The following PHF20 variants were observed in gnomAD, a reference collection of about 807,000 sequenced individuals.
PHF20 encodes glioma-expressed antigen 2.
In PHF20, 23 loss-of-function variants were observed where a neutral mutation model predicts 113.5. The observed-to-expected ratio is 0.20, with a 90% confidence interval of 0.15 to 0.29. PHF20 has a LOEUF of 0.29. Ranked by LOEUF, PHF20 falls within the 10% of genes least tolerant of loss-of-function variation. PHF20 has a pLI of 1.00. For synonymous variants in PHF20, 434 were observed against 457.3 expected, an observed-to-expected ratio of 0.95 and a Z score of 0.65; for missense variants, 943 against 1,219.6, an observed-to-expected ratio of 0.77 and a Z score of 3.38.
chr20:35,906,117 T>C (rs548603853), intron 10 of PHF20, among the ~76,000 whole-genome samples: 226 of 152,226 alleles, frequency 1.5e-3, no homozygotes, highest in Non-Finnish European at 2.8e-3. Context: ...TATTGCTACA[T>C]CTGTTTGAGT....
chr20:35,897,699 TG>T (rs1355434934), intron 9 of PHF20, among the ~76,000 whole-genome samples: 3 of 151,302 alleles, frequency 2.0e-5, no homozygotes, highest in African/African-American at 2.4e-5. Flanking sequence ...TCTGGGTAGC[TG>T]GGACTACAGG....
intron 13 of PHF20, among the ~76,000 whole-genome samples, chr20:35,926,718 G>A (rs956033692): frequency 2.0e-5 from 3 of 152,060 alleles, no homozygotes; most frequent in Non-Finnish European, 4.4e-5. Context: ...ACTTCCTAGA[G>A]GCCTTATATC....
chr20:35,794,440 C>T (rs1278517425), intron 1 of PHF20, among the ~76,000 whole-genome samples: 1 of 152,164 alleles, frequency 6.6e-6, no homozygotes, highest in African/African-American at 2.4e-5. Flanking sequence ...ACACAGCAGG[C>T]TCTCAATGAA....
At chr20:35,944,898 C>T (rs2056059126) in intron 17 of PHF20, among the ~76,000 whole-genome samples, 1 of 152,144 alleles carries the variant, frequency 6.6e-6, no homozygotes, top group Admixed American at 6.5e-5. Context: ...TGAACAGTCC[C>T]CTGTCTCCTT....
At chr20:35,946,681 ATTTAT>A (rs143340219) in intron 17 of PHF20, among the ~76,000 whole-genome samples, 25,512 of 144,266 alleles carry the variant, frequency 0.18, 2,387 homozygotes, top group South Asian at 0.34. Context: ...ATTTTATTTT[ATTTAT>A]TTTATTTTAT....
chr20:35,899,366 T>C lies in PHF20; in HGVS notation c.1283-4T>C. The C allele has an allele frequency of 6.3e-7, 1 of 1,593,984 alleles. No individual in the cohort carries two copies. The highest frequency in any genetic ancestry group is 8.6e-7 in the Non-Finnish European group (1 of 1,169,576). On this transcript the variant is annotated splice_region_variant and splice_polypyrimidine_tract_variant and intron_variant, in intron 9 of 17. Transcript: ENST00000374012. ...ACCTTTGCTTTTGTTTTTATTTTTT[T>C]CAGTAACAAATACTTTTAAGAAAAC...
intron 2 of PHF20, among the ~76,000 whole-genome samples, chr20:35,828,295 A>G (rs2042298783): frequency 6.6e-6 from 1 of 152,076 alleles, no homozygotes; most frequent in African/African-American, 2.4e-5. Flanking sequence ...AAGTGCTGGG[A>G]TTATAGGTGT....
intron 9 of PHF20, 32 bp downstream of exon 9, chr20:35,871,861 T>C: frequency 6.7e-7 from 1 of 1,491,040 alleles, no homozygotes; most frequent in Non-Finnish European, 9.1e-7. Flanking sequence ...AATCCTCTTT[T>C]TATATACACT....
intron 2 of PHF20, among the ~76,000 whole-genome samples, chr20:35,804,712 A>G (rs1174093993): frequency 1.3e-5 from 2 of 151,546 alleles, no homozygotes; most frequent in Non-Finnish European, 2.9e-5. Flanking sequence ...TTTTTTTTAA[A>G]TGGGTGCTTA....
intron 1 of PHF20, among the ~76,000 whole-genome samples, chr20:35,795,038 A>C (rs2041638271): frequency 1.3e-5 from 2 of 151,974 alleles, no homozygotes; most frequent in South Asian, 4.1e-4. Context: ...CTAAAAATAC[A>C]AAAATTAGCT....
intron 2 of PHF20, among the ~76,000 whole-genome samples, chr20:35,833,624 T>G (rs1259255651): frequency 1.3e-5 from 2 of 152,130 alleles, no homozygotes; most frequent in East Asian, 3.8e-4. Context: ...CAGGATACCC[T>G]GGGGGAGATT....
At chr20:35,790,069 C>G (rs2041512451) in intron 1 of PHF20, among the ~76,000 whole-genome samples, 1 of 151,698 alleles carries the variant, frequency 6.6e-6, no homozygotes, top group Non-Finnish European at 1.5e-5. Context: ...ATTGGCCAGG[C>G]TGGTCTTGAA....
chr20:35,830,781 T>C (rs1034028460), intron 2 of PHF20, among the ~76,000 whole-genome samples: 2 of 152,076 alleles, frequency 1.3e-5, no homozygotes, highest in Non-Finnish European at 2.9e-5. Context: ...TGCAGGTTTG[T>C]TGCATAGGTA....
chr20:35,779,071 C>T (rs79713968), intron 1 of PHF20, among the ~76,000 whole-genome samples: 7,230 of 150,520 alleles, frequency 0.048, 211 homozygotes, highest in African/African-American at 0.089. Context: ...AGTCTCACTT[C>T]GTTGCCCAGG....
intron 1 of PHF20, among the ~76,000 whole-genome samples, chr20:35,785,956 C>T (rs914908689): frequency 5.0e-5 from 7 of 139,650 alleles, no homozygotes; most frequent in East Asian, 2.2e-4. Context: ...CGCTTGAACC[C>T]GGGAGGCGGA....
intron 2 of PHF20, among the ~76,000 whole-genome samples, chr20:35,834,785 A>T (rs1159362522): frequency 1.1e-4 from 17 of 152,194 alleles, no homozygotes; most frequent in Admixed American, 1.1e-3. Flanking sequence ...CATAGGGCAT[A>T]GTTCCTGCCC....
At chr20:35,810,989 G>T (rs1026300684) in intron 2 of PHF20, among the ~76,000 whole-genome samples, 2 of 152,100 alleles carry the variant, frequency 1.3e-5, no homozygotes, top group Non-Finnish European at 2.9e-5. Context: ...CTCTGTGTGT[G>T]TATGTGTGTA....
intron 7 of PHF20, 54 bp downstream of exon 7, chr20:35,869,605 C>T: frequency 5.5e-6 from 5 of 917,296 alleles, no homozygotes; most frequent in Non-Finnish European, 9.1e-6. Context: ...TTTGGGTCAA[C>T]TTCCTCTATA....
intron 16 of PHF20, 28 bp from the exon 17 acceptor site, chr20:35,940,836 A>G: frequency 6.3e-7 from 1 of 1,590,066 alleles, no homozygotes; most frequent in South Asian, 1.1e-5. Context: ...ATCTCCATTC[A>G]GTAATTTCCA....
Sources: gnomAD v4.1 joint callset for allele counts (sites outside exome capture counted in the v4.1 genomes callset) on GRCh38, gnomAD v4.1.1 for gene constraint, MANE v1.5 for transcripts, NCBI Gene and HGNC (gene_info 2026-07-23, HGNC 2026-07-21) for gene names.